The following PCDH15 variants were observed in gnomAD, a reference collection of about 807,000 sequenced individuals.
PCDH15 encodes the protein protocadherin-15.
Under a neutral mutation model 178.5 loss-of-function variants are expected in PCDH15, and 129 were observed. The observed-to-expected ratio is 0.72, with a 90% confidence interval of 0.63 to 0.84. The LOEUF is 0.84. PCDH15 is among the 40% of genes least tolerant of loss of function. The pLI, the probability that PCDH15 is intolerant of heterozygous loss-of-function variation, is 0.00. For missense variants in PCDH15, 2,230 were observed against 2,099.9 expected, an observed-to-expected ratio of 1.06 and a Z score of -1.21; for synonymous variants, 800 against 732.0, an observed-to-expected ratio of 1.09 and a Z score of -1.50.
At chr10:54,253,229 T>C (rs2132130612) in intron 8 of PCDH15, among the ~76,000 whole-genome samples, 1 of 152,220 alleles carries the variant, frequency 6.6e-6, no homozygotes, top group South Asian at 2.1e-4. Context: ...TTTGTTTTGA[T>C]ATTAATTTTC....
intron 1 of PCDH15, among the ~76,000 whole-genome samples, chr10:55,268,699 T>A (rs1190068853): frequency 6.6e-6 from 1 of 152,116 alleles, no homozygotes; most frequent in Non-Finnish European, 1.5e-5. Flanking sequence ...TGACCTAAGA[T>A]TTTGGAATTA....
At chr10:54,065,460 T>C (rs1362090173) in intron 18 of PCDH15, among the ~76,000 whole-genome samples, 1 of 152,208 alleles carries the variant, frequency 6.6e-6, no homozygotes, top group Non-Finnish European at 1.5e-5. Context: ...AGATTTTCTG[T>C]TGGAGAATCC....
chr10:54,767,160 C>T (rs1444493564), intron 1 of PCDH15, among the ~76,000 whole-genome samples: 1 of 151,996 alleles, frequency 6.6e-6, no homozygotes, highest in Non-Finnish European at 1.5e-5. Flanking sequence ...CTGTTTGGCT[C>T]AAAATTTATT....
intron 3 of PCDH15, among the ~76,000 whole-genome samples, chr10:54,519,742 C>G (rs2082643970): frequency 6.6e-6 from 1 of 152,116 alleles, no homozygotes; most frequent in African/African-American, 2.4e-5. Flanking sequence ...CAAAAAAGAG[C>G]CCGCATCACC....
intron 15 of PCDH15, among the ~76,000 whole-genome samples, chr10:54,109,102 T>G (rs2094967658): frequency 6.6e-6 from 1 of 152,154 alleles, no homozygotes; most frequent in Non-Finnish European, 1.5e-5. Flanking sequence ...GAGAGACTCC[T>G]TCTGCTTGAG....
chr10:55,176,598 AC>A (rs1839493913), intron 1 of PCDH15, among the ~76,000 whole-genome samples: 1 of 152,128 alleles, frequency 6.6e-6, no homozygotes, highest in African/African-American at 2.4e-5. Flanking sequence ...CCCTGCAACA[AC>A]CCTTGTAATG....
chr10:55,572,669 A>G (rs758406406), intron 2 of PCDH15, among the ~76,000 whole-genome samples: 5 of 152,034 alleles, frequency 3.3e-5, no homozygotes, highest in Non-Finnish European at 7.4e-5. Context: ...TCACGTAAGG[A>G]AGGAAATGGT....
chr10:55,455,496 G>A (rs756727711), intron 2 of PCDH15, among the ~76,000 whole-genome samples: 4 of 151,852 alleles, frequency 2.6e-5, no homozygotes, highest in African/African-American at 4.8e-5. Context: ...ATTACCATTT[G>A]TGAAAACCAT....
intron 2 of PCDH15, among the ~76,000 whole-genome samples, chr10:54,909,313 CCCAGGTTATTAATG>C (rs1954779190): frequency 6.6e-6 from 1 of 152,102 alleles, no homozygotes; most frequent in Non-Finnish European, 1.5e-5. Context: ...GTTCATGGAG[CCCAGGTTATTAATG>C]CCAAGGGGTG....
rs75016350 is a variant in PCDH15 at position 53,909,159 on chromosome 10, C to T, written c.3374-5789G>A. On this transcript the variant is annotated intron_variant, in intron 25 of 37. Transcript: ENST00000644397. ...TGTGTTCTCATGTAGTGAGTTTGCA[C>T]GAAATCCAATGGTTTTATAAGGGGT... Among the ~76,000 whole-genome samples the T allele has an allele frequency of 9.0e-3, 1,373 of 152,186 alleles. 19 individuals carry two copies. The highest frequency in any genetic ancestry group is 0.039 in the South Asian group (189 of 4,818).
At chr10:54,164,878 G>C (rs957465527) in intron 13 of PCDH15, among the ~76,000 whole-genome samples, 3 of 152,130 alleles carry the variant, frequency 2.0e-5, no homozygotes, top group African/African-American at 7.2e-5. Flanking sequence ...TGCCTGCCTG[G>C]TATCCTTAAT....
chr10:54,335,184 C>T (rs779655322), intron 6 of PCDH15, among the ~76,000 whole-genome samples: 5 of 152,180 alleles, frequency 3.3e-5, no homozygotes, highest in Non-Finnish European at 5.9e-5. Context: ...GGGATTTGAG[C>T]AGGCAACATT....
chr10:54,945,566 T>C (rs922865592), intron 2 of PCDH15, among the ~76,000 whole-genome samples: 3 of 151,660 alleles, frequency 2.0e-5, no homozygotes, highest in African/African-American at 7.3e-5. Context: ...CATATAAATA[T>C]ATAATTTTCA....
At chr10:54,434,220 A>G (rs1201002335) in intron 3 of PCDH15, among the ~76,000 whole-genome samples, 1 of 151,260 alleles carries the variant, frequency 6.6e-6, no homozygotes, top group Non-Finnish European at 1.5e-5. Context: ...AAGTAAAGAT[A>G]CAGTAAGCTA....
intron 2 of PCDH15, among the ~76,000 whole-genome samples, chr10:55,598,532 A>G (rs1263668128): frequency 5.7e-4 from 19 of 33,456 alleles, no homozygotes; most frequent in African/African-American, 4.1e-3. Context: ...ATATATATAT[A>G]TATATATATA....
chr10:54,376,577 C>A (rs1948469983), intron 4 of PCDH15, among the ~76,000 whole-genome samples: 1 of 151,106 alleles, frequency 6.6e-6, no homozygotes, highest in South Asian at 2.1e-4. Context: ...AAAATATTAA[C>A]TAGGATCATA....
chr10:53,901,080 C>T (rs2082305239), intron 26 of PCDH15, among the ~76,000 whole-genome samples: 1 of 152,042 alleles, frequency 6.6e-6, no homozygotes, highest in Non-Finnish European at 1.5e-5. Context: ...TTCCTGTCAC[C>T]TCATGGCAGC....
intron 28 of PCDH15, among the ~76,000 whole-genome samples, chr10:53,845,882 C>T (rs944600263): frequency 1.3e-5 from 2 of 151,426 alleles, no homozygotes; most frequent in African/African-American, 2.4e-5. Context: ...TTGTAATGGT[C>T]CCAATACAAA....
intron 2 of PCDH15, among the ~76,000 whole-genome samples, chr10:54,932,744 T>A (rs1273556164): frequency 6.6e-6 from 1 of 152,010 alleles, no homozygotes; most frequent in Non-Finnish European, 1.5e-5. Context: ...ACCATGTTGA[T>A]CAGGCAGGTC....
Sources: allele counts gnomAD v4.1 joint callset (sites outside exome capture counted in the v4.1 genomes callset), GRCh38; gene constraint gnomAD v4.1.1; transcripts MANE v1.5; gene names NCBI Gene and HGNC (gene_info 2026-07-23, HGNC 2026-07-21).